TNRC6A: variants seen among roughly 807,000 people sequenced by gnomAD.
The protein encoded by TNRC6A is trinucleotide repeat containing adaptor 6A.
A neutral mutation model predicts 221.2 loss-of-function variants in TNRC6A; 44 were observed. The ratio of observed to expected loss-of-function variants is 0.20; its 90% CI spans 0.16 to 0.26. TNRC6A has a LOEUF of 0.26. Among genes scored for constraint, TNRC6A ranks in the 10% least tolerant of loss-of-function variants. The pLI is 1.00. For synonymous variants in TNRC6A, 847 were observed against 838.5 expected (o/e 1.01, Z -0.18); for missense variants, 2,199 against 2,404.4 (o/e 0.91, Z 1.79).
Position 24,790,120 on chromosome 16 carries a change from T to C in TNRC6A, c.1478T>C (p.Met493Thr). ...GTGAGCACAATGAATCATCCTCAGA[T>C]GCAGGCTCCATCAGGTATGAATGGC... The part of the protein sequence containing the change: ...WRVSTMNHPQ[M>T]QAPSGMNGTS... The change falls in exon 6 of 25, where the codon ATG (methionine) becomes ACG (threonine). Residue 493 changes from methionine (M) to threonine (T), a missense_variant. Met to Thr is a moderately conservative substitution (Grantham distance 81). Coordinates refer to ENST00000395799, the MANE Select transcript of TNRC6A (RefSeq NM_014494.4). The C allele has an allele frequency of 6.2e-7, 1 of 1,614,230 alleles. No individual in the cohort carries two copies. Among genetic ancestry groups the C allele is most frequent in the Non-Finnish European group, 8.5e-7 (1 of 1,180,036 alleles).
At chr16:24,748,217 G>C (rs2057055284) in intron 2 of TNRC6A, among the ~76,000 whole-genome samples, 1 of 152,160 alleles carries the variant, frequency 6.6e-6, no homozygotes, top group Non-Finnish European at 1.5e-5. Context: ...TGAAGAAACA[G>C]AGGCTGAAGA....
At chr16:24,716,969 G>GAAAAAAAAAAAAAAAAAAAAAAAAAAA (rs61090241) in intron 2 of TNRC6A, among the ~76,000 whole-genome samples, 1 of 107,534 alleles carries the variant, frequency 9.3e-6, no homozygotes, top group African/African-American at 3.2e-5. Flanking sequence ...AAAAAAAAAA[G>GAAAAAAAAAAAAAAAAAAAAAAAAAAA]AAAAAAAAAA....
rs761779826 is a variant in TNRC6A at position 24,791,498 on chromosome 16, T to G, written c.2856T>G (p.Ile952Met). ...SSPDWNKQQDIVGSWGIPPAT... is the reference protein window; with the variant it reads ...SSPDWNKQQDMVGSWGIPPAT... Reference sequence around the variant, plus strand: ...CAGACTGGAACAAGCAACAAGACATTGTTGGATCTTGGGGAATCCCACCAG... The same window carrying G: ...CAGACTGGAACAAGCAACAAGACATGGTTGGATCTTGGGGAATCCCACCAG... Residue 952 changes from isoleucine to methionine, a missense_variant, in exon 6 of 25, where the codon ATT becomes ATG. Physicochemically the swap from Ile to Met is conservative, Grantham distance 10 (BLOSUM62 1). This residue lies in a region of TNRC6A where 1,405 missense variants were observed against 1,400.2 expected (regional missense o/e 1.00). Transcript: ENST00000395799. 3.9e-6 allele frequency: 6 copies of G among 1,532,646 alleles called. No homozygotes were observed. Among genetic ancestry groups the G allele is most frequent in the Non-Finnish European group, 4.4e-6 (5 of 1,143,924 alleles). 94.9% of individuals were successfully genotyped at this position (1,532,646 alleles called of 1,614,324 possible).
chr16:24,616,207 T>G (rs1900333308), intron 1 of TNRC6A, among the ~76,000 whole-genome samples: 1 of 151,102 alleles, frequency 6.6e-6, no homozygotes, highest in African/African-American at 2.4e-5. Context: ...ACACCTGTAA[T>G]CCCAGCTACT....
At chr16:24,690,713 G>A (rs1333482266) in intron 2 of TNRC6A, among the ~76,000 whole-genome samples, 1 of 151,976 alleles carries the variant, frequency 6.6e-6, no homozygotes, top group East Asian at 1.9e-4. Context: ...CAAACCAGTA[G>A]GGTAATGCCT....
intron 2 of TNRC6A, among the ~76,000 whole-genome samples, chr16:24,659,787 T>A (rs2054991244): frequency 6.6e-6 from 1 of 152,146 alleles, no homozygotes; most frequent in South Asian, 2.1e-4. Context: ...CTACTCTTTC[T>A]CCATTTTGAA....
rs777281909 is a variant in TNRC6A at position 24,804,247 on chromosome 16, C to A, written c.3765C>A (p.Val1255=). 3 of 1,613,480 alleles carry A rather than the reference C, an allele frequency of 1.9e-6. No homozygotes were observed. The highest frequency in any genetic ancestry group is 8.5e-7 in the Non-Finnish European group (1 of 1,179,928). The part of the protein sequence containing the change: ...SLNIGDYNRT[V]GKGPGSRPQI... ...ATATTGGTGATTACAATCGAACGGTCGGGAAAGGCCCTGGTTCTCGGCCTC... is the reference window on the plus strand; with the variant it reads ...ATATTGGTGATTACAATCGAACGGTAGGGAAAGGCCCTGGTTCTCGGCCTC... The change falls in exon 12 of 25, where the codon GTC becomes GTA. Residue 1255 remains valine, a synonymous_variant. Coordinates refer to ENST00000395799, the MANE Select transcript of TNRC6A (RefSeq NM_014494.4).
intron 2 of TNRC6A, among the ~76,000 whole-genome samples, chr16:24,649,052 G>A (rs531334193): frequency 2.0e-5 from 3 of 151,924 alleles, no homozygotes; most frequent in Non-Finnish European, 1.5e-5. Context: ...GGACTGAGGC[G>A]GGAGGATCGC....
chr16:24,820,725 A>G (rs945015802), intron 22 of TNRC6A, among the ~76,000 whole-genome samples: 2 of 152,356 alleles, frequency 1.3e-5, no homozygotes, highest in East Asian at 1.9e-4. Context: ...CTTGGCCTGT[A>G]TTAAATGGGG....
At chr16:24,647,964 C>T (rs1344946550) in intron 2 of TNRC6A, among the ~76,000 whole-genome samples, 1 of 152,018 alleles carries the variant, frequency 6.6e-6, no homozygotes, top group Non-Finnish European at 1.5e-5. Flanking sequence ...TGTGTAGAAC[C>T]ATACAGTATT....
chr16:24,767,370 C>CT, intron 4 of TNRC6A, among the ~76,000 whole-genome samples: 1 of 152,142 alleles, frequency 6.6e-6, no homozygotes, highest in East Asian at 1.9e-4. Flanking sequence ...TAAAACATAT[C>CT]TTTCCTTAGA....
At chr16:24,623,150 A>AGAAT (rs1900763108) in intron 1 of TNRC6A, among the ~76,000 whole-genome samples, 1 of 141,550 alleles carries the variant, frequency 7.1e-6, no homozygotes, top group South Asian at 2.4e-4. Context: ...TTAAGTGATA[A>AGAAT]GAATTTATTT....
rs1290973913 is a variant in TNRC6A, at chr16:24,791,365, C to T, written c.2723C>T (p.Ser908Leu). The T allele has an allele frequency of 6.3e-7, 1 of 1,593,534 alleles. No homozygotes were observed. The highest frequency in any genetic ancestry group is 1.3e-5 in the African/African-American group (1 of 74,566). ...WGNNINPNNS[S>L]GWDESSKPTP... ...AACAACATAAATCCAAATAATTCAT[C>T]AGGATGGGATGAATCTTCTAAACCT... The change falls in exon 6 of 25, where the codon TCA becomes TTA. Residue 908 changes from serine to leucine, a missense_variant. This residue lies in a region of TNRC6A where 1,405 missense variants were observed against 1,400.2 expected (regional missense o/e 1.00). Coordinates refer to ENST00000395799, the MANE Select transcript of TNRC6A (RefSeq NM_014494.4).
intron 3 of TNRC6A, among the ~76,000 whole-genome samples, chr16:24,756,882 T>A (rs958148550): frequency 6.6e-6 from 1 of 152,164 alleles, no homozygotes; most frequent in African/African-American, 2.4e-5. Context: ...GAGTGTTTTT[T>A]GTCTGTTTGT....
chr16:24,812,049 T>A (rs2058556555), intron 18 of TNRC6A, among the ~76,000 whole-genome samples: 1 of 49,676 alleles, frequency 2.0e-5, no homozygotes, highest in African/African-American at 6.3e-5. Flanking sequence ...TTTTTTTTTT[T>A]TTTTTTTTTT....
In TNRC6A at chr16:24,789,779, C is replaced by T; in HGVS notation, c.1137C>T (p.Ala379=). The T allele has an allele frequency of 6.2e-7, 1 of 1,614,064 alleles. No individual in the cohort carries two copies. The highest frequency in any genetic ancestry group is 1.7e-5 in the Admixed American group (1 of 60,006). ...AWPVLENNGL[A]LKGPVGSGSS... ...CAGTATTAGAGAACAATGGACTTGC[C>T]CTAAAAGGGCCTGTAGGGAGTGGTA... Residue 379 remains alanine, a synonymous_variant, in exon 6 of 25, where the codon GCC becomes GCT. Transcript: ENST00000395799.
chr16:24,640,511 T>C (rs1161299451), intron 1 of TNRC6A, among the ~76,000 whole-genome samples: 1 of 151,694 alleles, frequency 6.6e-6, no homozygotes, highest in Non-Finnish European at 1.5e-5. Flanking sequence ...GTGGATTGCT[T>C]GAGCTCAGGA....
At chr16:24,636,932 G>A (rs925191002) in intron 1 of TNRC6A, among the ~76,000 whole-genome samples, 6 of 152,176 alleles carry the variant, frequency 3.9e-5, no homozygotes, top group Admixed American at 2.0e-4. Context: ...CTATATTCAT[G>A]GCTGTGGTAT....
chr16:24,758,982 A>C (rs1197104283), intron 4 of TNRC6A, among the ~76,000 whole-genome samples: 1 of 152,184 alleles, frequency 6.6e-6, no homozygotes, highest in Non-Finnish European at 1.5e-5. Context: ...ATAAAGGTGT[A>C]AAGCTCTCAG....
Sources: allele counts gnomAD v4.1 joint callset (sites outside exome capture counted in the v4.1 genomes callset), GRCh38; gene constraint gnomAD v4.1.1; regional missense constraint gnomAD v4.1.1; transcripts MANE v1.5; gene names NCBI Gene and HGNC (gene_info 2026-07-23, HGNC 2026-07-21).